Variants in DHRSX observed in about 807,000 individuals in gnomAD.
DHRSX encodes the protein polyprenol dehydrogenase.
In DHRSX, 31 loss-of-function variants were observed where a neutral mutation model predicts 34.0. That is an observed-to-expected ratio of 0.91 (90% CI 0.69 to 1.23). DHRSX has a LOEUF of 1.23. Ranked by LOEUF, DHRSX falls within the 50% of genes most tolerant of loss-of-function variation. The probability of loss-of-function intolerance (pLI) is 0.00; values close to 1 mark genes in which losing one functional copy is unlikely to be tolerated. For synonymous variants in DHRSX, 201 were observed against 183.8 expected, an observed-to-expected ratio of 1.09 and a Z score of -0.76; for missense variants, 414 against 428.1, an observed-to-expected ratio of 0.97 and a Z score of 0.29.
chrX:2,273,159 C>G (rs1000763962), intron 4 of DHRSX, among the ~76,000 whole-genome samples: 26 of 152,148 alleles, frequency 1.7e-4, no homozygotes, highest in African/African-American at 5.1e-4. Context: ...CACCACTGCA[C>G]TCCAGCCTGG....
chrX:2,292,032 G>T (rs747368742), intron 3 of DHRSX, among the ~76,000 whole-genome samples: 278 of 151,016 alleles, frequency 1.8e-3, no homozygotes, highest in African/African-American at 5.9e-3. Context: ...GAGCCACCAC[G>T]CCTGTCCAGG....
intron 1 of DHRSX, among the ~76,000 whole-genome samples, chrX:2,497,883 CATATTAGG>C (rs1385175190): frequency 6.6e-6 from 1 of 152,072 alleles, no homozygotes; most frequent in East Asian, 1.9e-4. Flanking sequence ...GTTTTGATGC[CATATTAGG>C]ATATTAAATG....
chrX:2,360,606 C>T (rs1428125978), intron 3 of DHRSX, among the ~76,000 whole-genome samples: 5 of 151,872 alleles, frequency 3.3e-5, no homozygotes, highest in Non-Finnish European at 7.4e-5. Flanking sequence ...AAAAAATACA[C>T]ATCACCCACC....
chrX:2,397,962 A>G (rs2043435263), intron 3 of DHRSX, among the ~76,000 whole-genome samples: 1 of 148,140 alleles, frequency 6.8e-6, no homozygotes, highest in Non-Finnish European at 1.5e-5. Context: ...ACATAGATAC[A>G]TATGCCAACA....
intron 3 of DHRSX, among the ~76,000 whole-genome samples, chrX:2,371,403 C>CGTT (rs1419170633): frequency 6.6e-6 from 1 of 151,026 alleles, no homozygotes; most frequent in Non-Finnish European, 1.5e-5. Context: ...CCCCTTCTCA[C>CGTT]ATTACCATAG....
chrX:2,356,656 A>C (rs1295618433), intron 3 of DHRSX, among the ~76,000 whole-genome samples: 6 of 152,174 alleles, frequency 3.9e-5, no homozygotes. Context: ...CCCCTGAGAA[A>C]GCCAGACCAA....
chrX:2,333,565 C>T (rs1244232736), intron 3 of DHRSX, among the ~76,000 whole-genome samples: 2 of 152,122 alleles, frequency 1.3e-5, no homozygotes, highest in Non-Finnish European at 2.9e-5. Flanking sequence ...CAGATGCCTG[C>T]TACTCTGCCT....
intron 3 of DHRSX, among the ~76,000 whole-genome samples, chrX:2,315,532 G>C (rs2042231956): frequency 6.6e-6 from 1 of 152,132 alleles, no homozygotes; most frequent in Non-Finnish European, 1.5e-5. Flanking sequence ...CTTGAACCTA[G>C]CGAATATAGA....
intron 1 of DHRSX, among the ~76,000 whole-genome samples, chrX:2,478,066 G>A (rs1458327156): frequency 6.6e-6 from 1 of 152,228 alleles, no homozygotes; most frequent in African/African-American, 2.4e-5. Context: ...TCTGATCTGG[G>A]TGGGGCTGGG....
chrX:2,249,627 G>A (rs1361384059), intron 5 of DHRSX, among the ~76,000 whole-genome samples: 3 of 140,080 alleles, frequency 2.1e-5, no homozygotes, highest in South Asian at 2.4e-4. Context: ...GGGTTCAAGT[G>A]ATTCTCCTGC....
intron 3 of DHRSX, among the ~76,000 whole-genome samples, chrX:2,335,788 T>C (rs1001613057): frequency 6.6e-6 from 1 of 151,666 alleles, no homozygotes; most frequent in African/African-American, 2.4e-5. Context: ...GCAAGTTTGC[T>C]CTGAGAAGTT....
intron 3 of DHRSX, among the ~76,000 whole-genome samples, chrX:2,349,854 G>C (rs35474006): frequency 0.3 from 44,284 of 145,312 alleles, 7,817 homozygotes; most frequent in Non-Finnish European, 0.39. Context: ...CTGGCTAACA[G>C]GGTGAAACCC....
rs145954114 is a variant in DHRSX at position 2,386,818 on chromosome X, G to C, written c.286+21927C>G. ...TTGCTTCTTTTGTGTGTGGAATGAAGGATGAATAAATGGTGGGATATTATT... is the reference window on the plus strand; with the variant it reads ...TTGCTTCTTTTGTGTGTGGAATGAACGATGAATAAATGGTGGGATATTATT... On this transcript the variant is annotated intron_variant, in intron 3 of 6. Coordinates refer to ENST00000334651, the MANE Select transcript of DHRSX (RefSeq NM_145177.3). Among the ~76,000 whole-genome samples the C allele has an allele frequency of 8.1e-3, 1,218 of 150,914 alleles. 89 individuals are homozygous for C. The East Asian group carries it at 0.11, about 13-fold the overall frequency.
chrX:2,234,560 G>A (rs1338291607), intron 6 of DHRSX, among the ~76,000 whole-genome samples: 2 of 152,248 alleles, frequency 1.3e-5, no homozygotes, highest in African/African-American at 2.4e-5. Flanking sequence ...ATCAACCTAA[G>A]TGTCTGTCAG....
chrX:2,452,324 C>T (rs1263785788), intron 1 of DHRSX, among the ~76,000 whole-genome samples: 2 of 150,900 alleles, frequency 1.3e-5, no homozygotes, highest in Non-Finnish European at 3.0e-5. Flanking sequence ...AGAATGCAGC[C>T]AAGGGACGGC....
intron 3 of DHRSX, among the ~76,000 whole-genome samples, chrX:2,397,144 C>T (rs1461961815): frequency 6.6e-6 from 1 of 151,794 alleles, no homozygotes; most frequent in Non-Finnish European, 1.5e-5. Context: ...AGACTCCAGG[C>T]ACGCACACCA....
At chrX:2,488,949 A>C in intron 1 of DHRSX, 1 of 1,597,230 alleles carries the variant, frequency 6.3e-7, no homozygotes, top group Non-Finnish European at 8.5e-7. Flanking sequence ...CGGTCTGACC[A>C]CCACTTGAGG....
intron 3 of DHRSX, among the ~76,000 whole-genome samples, chrX:2,396,527 G>A (rs1169620904): frequency 3.3e-5 from 5 of 151,154 alleles, no homozygotes; most frequent in Non-Finnish European, 1.5e-5. Context: ...ACAGGCTCCC[G>A]CCACCACGCC....
intron 1 of DHRSX, among the ~76,000 whole-genome samples, chrX:2,425,738 C>G (rs993567396): frequency 5.9e-5 from 9 of 152,122 alleles, no homozygotes; most frequent in African/African-American, 1.9e-4. Context: ...GCCAACAGAT[C>G]AGGAGACTGC....
Sources: gnomAD v4.1 joint callset for allele counts (sites outside exome capture counted in the v4.1 genomes callset) on GRCh38, gnomAD v4.1.1 for gene constraint, MANE v1.5 for transcripts, NCBI Gene and HGNC (gene_info 2026-07-23, HGNC 2026-07-21) for gene names.